Variants in COL5A1 observed in about 807,000 individuals in gnomAD.
COL5A1 encodes the protein collagen alpha-1(V) chain.
Under a neutral mutation model 263.7 loss-of-function variants are expected in COL5A1, and 16 were observed. That is an observed-to-expected ratio of 0.06 (90% CI 0.04 to 0.09). The LOEUF is 0.09. COL5A1 is among the 10% of genes least tolerant of loss of function. The pLI is 1.00. For synonymous variants in COL5A1, 1,012 were observed against 1,004.5 expected (o/e 1.01, Z -0.14); for missense variants, 2,036 against 2,540.5 (o/e 0.80, Z 4.27).
At chr9:134,795,665 T>C (rs2132804599) in intron 34 of COL5A1, among the ~76,000 whole-genome samples, 1 of 152,242 alleles carries the variant, frequency 6.6e-6, no homozygotes, top group East Asian at 1.9e-4. Context: ...TGAAAGGGGT[T>C]TGAGAGCTGC....
At chr9:134,830,919 G>A (rs1839591288) in intron 64 of COL5A1, among the ~76,000 whole-genome samples, 1 of 152,200 alleles carries the variant, frequency 6.6e-6, no homozygotes, top group Non-Finnish European at 1.5e-5. Flanking sequence ...GGAATGAAGA[G>A]CAGAGTTCTG....
intron 46 of COL5A1, 108 bp downstream of exon 46, chr9:134,811,707 G>C (rs985450660): frequency 2.1e-6 from 2 of 963,768 alleles, no homozygotes; most frequent in East Asian, 5.3e-5. Context: ...CTAAAGCCAG[G>C]CTGCAGGGGG....
chr9:134,803,833 A>T (rs755115383), intron 39 of COL5A1, among the ~76,000 whole-genome samples: 2 of 151,216 alleles, frequency 1.3e-5, no homozygotes, highest in African/African-American at 4.9e-5. Context: ...ACAGAGCGAG[A>T]CTCCATCTCA....
At chr9:134,751,664 C>T (rs879742352) in intron 13 of COL5A1, among the ~76,000 whole-genome samples, 56 of 1,176 alleles carry the variant, frequency 0.048, no homozygotes, top group Admixed American at 0.083. Context: ...CCCCGTGGGG[C>T]GGGTGGGTGG....
At chr9:134,812,881 A>G (rs151106594) in intron 48 of COL5A1, among the ~76,000 whole-genome samples, 169 bp downstream of exon 48, 39 of 151,384 alleles carry the variant, frequency 2.6e-4, no homozygotes, top group African/African-American at 8.5e-4. Flanking sequence ...AGAAGTACTC[A>G]TTTCTGTGGG....
chr9:134,665,338 G>C (rs1464541743), intron 1 of COL5A1, among the ~76,000 whole-genome samples: 1 of 152,188 alleles, frequency 6.6e-6, no homozygotes, highest in Admixed American at 6.5e-5. Context: ...CGTTTAGGTG[G>C]GTTACCATGC....
rs369133868 is a variant in COL5A1 at position 134,822,195 on chromosome 9, G to A, written c.4608+45G>A. ...TTGGTCATTCCTGGGAGGGCAGGGAGGGTGGGGATAAGCCTTGGGGCCTCA... is the reference window on the plus strand; with the variant it reads ...TTGGTCATTCCTGGGAGGGCAGGGAAGGTGGGGATAAGCCTTGGGGCCTCA... On this transcript the variant is annotated intron_variant, in intron 59 of 65. Transcript: ENST00000371817. 1.4e-5 allele frequency: 20 copies of A among 1,394,834 alleles called. No individual in the cohort carries two copies. The East Asian group carries it at 4.3e-4, about 30-fold the overall frequency. 86.4% of individuals were successfully genotyped at this position (1,394,834 alleles called of 1,614,324 possible).
chr9:134,734,725 C>T (rs936621684), intron 9 of COL5A1, among the ~76,000 whole-genome samples: 7 of 152,232 alleles, frequency 4.6e-5, no homozygotes, highest in Admixed American at 3.9e-4. Context: ...CTTGTGCTTC[C>T]AGGCAGGAAG....
chr9:134,708,492 G>A (rs561468362), intron 4 of COL5A1: 31 of 475,516 alleles, frequency 6.5e-5, no homozygotes, highest in African/African-American at 5.7e-4. Flanking sequence ...TCCAAGACCC[G>A]CATCTACCCA....
chr9:134,822,725 C>CCT (rs1554807651), intron 59 of COL5A1, among the ~76,000 whole-genome samples: 3 of 150,320 alleles, frequency 2.0e-5, no homozygotes, highest in East Asian at 3.9e-4. Flanking sequence ...GCTGCGCCCC[C>CCT]CCCGCGGCTG....
chr9:134,829,554 T>G (rs1839497879), intron 63 of COL5A1, among the ~76,000 whole-genome samples: 1 of 139,494 alleles, frequency 7.2e-6, no homozygotes. Flanking sequence ...GCCTCCGGTC[T>G]CCCCGAGGGC....
chr9:134,679,070 C>T (rs918077391), intron 1 of COL5A1, among the ~76,000 whole-genome samples: 3 of 152,224 alleles, frequency 2.0e-5, no homozygotes, highest in African/African-American at 7.2e-5. Flanking sequence ...GCCTCCTCTT[C>T]ACTACTTGAC....
intron 1 of COL5A1, among the ~76,000 whole-genome samples, chr9:134,654,737 GGTGTGTGTAGGGCTGGT>G (rs1831875269): frequency 7.1e-6 from 1 of 141,332 alleles, no homozygotes. Context: ...GTAGGGCTGG[GGTGTGTGTAGGGCTGGT>G]GTGTGTAGGG....
chr9:134,816,336 C>G (rs903815176), intron 52 of COL5A1, among the ~76,000 whole-genome samples: 1 of 148,564 alleles, frequency 6.7e-6, no homozygotes, highest in East Asian at 2.0e-4. Context: ...CTCACCAGGC[C>G]CTTCCTGCCT....
intron 26 of COL5A1, among the ~76,000 whole-genome samples, chr9:134,773,312 T>G (rs950551624): frequency 6.6e-6 from 1 of 151,592 alleles, no homozygotes; most frequent in Non-Finnish European, 1.5e-5. Flanking sequence ...CCTGCTGGGC[T>G]GCGAGGGTCC....
intron 27 of COL5A1, among the ~76,000 whole-genome samples, chr9:134,775,352 C>T (rs1009300632): frequency 2.0e-5 from 3 of 152,278 alleles, no homozygotes; most frequent in South Asian, 2.1e-4. Context: ...TTTGCACATT[C>T]CGAGTGAGAA....
rs769399296 is a variant in COL5A1, at chr9:134,716,616, C to T, written c.655-10650C>T. Reference sequence around the variant, plus strand: ...GAGGAGGTGGACCTGCCCCCCAGCCCCTGCCATTGGTGCTGCCATTTCGTC... The same window carrying T: ...GAGGAGGTGGACCTGCCCCCCAGCCTCTGCCATTGGTGCTGCCATTTCGTC... On this transcript the variant is annotated intron_variant, in intron 4 of 65. Coordinates refer to ENST00000371817, the MANE Select transcript of COL5A1 (RefSeq NM_000093.5). This position sits in a 1 kb window ranked among gnomAD's most constrained non-coding sequence, Gnocchi z 4.5. 1.2e-4 allele frequency among the ~76,000 whole-genome samples: 18 copies of T among 152,184 alleles called. No individual in the cohort carries two copies. Among genetic ancestry groups the T allele is most frequent in the Admixed American group, 2.6e-4 (4 of 15,284 alleles).
rs1032585006 is a variant in COL5A1, at chr9:134,794,235, C to A, written c.2701-847C>A. ...ACTCAGGAGGCTGAGGCAGGAGAAT[C>A]GCTTGAACCTGGGAGGCGGAGGTTG... On this transcript the variant is annotated intron_variant, in intron 32 of 65. Transcript: ENST00000371817. This position sits in a 1 kb window ranked among gnomAD's most constrained non-coding sequence, Gnocchi z 4.3. 6.6e-6 allele frequency among the ~76,000 whole-genome samples: 1 copy of A among 151,852 alleles called. No individual in the cohort carries two copies.
chr9:134,726,112 G>C (rs978586657), intron 4 of COL5A1, among the ~76,000 whole-genome samples: 12 of 152,336 alleles, frequency 7.9e-5, no homozygotes, highest in African/African-American at 2.9e-4. Context: ...TAATGGCAAA[G>C]GAGGCAGGGT....
Sources: allele counts gnomAD v4.1 joint callset (sites outside exome capture counted in the v4.1 genomes callset), GRCh38; gene constraint gnomAD v4.1.1; non-coding constraint Gnocchi (gnomAD v3.1); transcripts MANE v1.5; gene names NCBI Gene and HGNC (gene_info 2026-07-23, HGNC 2026-07-21).